Variants in FBXL20 observed in about 807,000 individuals in gnomAD.
FBXL20 encodes F-box and leucine rich repeat protein 20.
A neutral mutation model predicts 64.0 loss-of-function variants in FBXL20; 11 were observed. The ratio of observed to expected loss-of-function variants is 0.17; its 90% CI spans 0.11 to 0.28. FBXL20 has a LOEUF of 0.28. Ranked by LOEUF, FBXL20 falls within the 10% of genes least tolerant of loss-of-function variation. FBXL20 has a pLI of 1.00. For missense variants in FBXL20, 303 were observed against 526.2 expected (o/e 0.58, Z 4.15); for synonymous variants, 184 against 189.0 (o/e 0.97, Z 0.22).
chr17:39,372,302 C>G (rs1253621964), intron 1 of FBXL20, among the ~76,000 whole-genome samples: 1 of 151,720 alleles, frequency 6.6e-6, no homozygotes, highest in Non-Finnish European at 1.5e-5. Flanking sequence ...AGGTGGATCA[C>G]AAGGTCAAGA....
At chr17:39,390,409 A>C (rs1044412657) in intron 1 of FBXL20, among the ~76,000 whole-genome samples, 2 of 151,928 alleles carry the variant, frequency 1.3e-5, no homozygotes, top group African/African-American at 4.8e-5. Flanking sequence ...AAAAATACAA[A>C]AATTAGCCAG....
chr17:39,271,217 A>C (rs2046840361), intron 10 of FBXL20, among the ~76,000 whole-genome samples: 1 of 152,064 alleles, frequency 6.6e-6, no homozygotes, highest in Non-Finnish European at 1.5e-5. Flanking sequence ...AAACGGAGAT[A>C]CTCTATTTCA....
chr17:39,349,977 C>A (rs144814255), intron 1 of FBXL20, among the ~76,000 whole-genome samples: 116 of 151,616 alleles, frequency 7.7e-4, no homozygotes, highest in Middle Eastern at 6.9e-3. Context: ...TTGTTTCATG[C>A]CCAAAAAATT....
chr17:39,301,424 C>T (rs183790619), intron 3 of FBXL20, among the ~76,000 whole-genome samples: 23 of 152,076 alleles, frequency 1.5e-4, no homozygotes, highest in Admixed American at 3.3e-4. Context: ...GACCCGATCC[C>T]TATAAAAAAA....
chr17:39,381,396 C>A (rs2048021575), intron 1 of FBXL20, among the ~76,000 whole-genome samples: 1 of 147,930 alleles, frequency 6.8e-6, no homozygotes, highest in African/African-American at 2.5e-5. Flanking sequence ...AGGAGGATCA[C>A]TTGAGCCCAA....
In FBXL20 at chr17:39,261,547, T is replaced by C; in HGVS notation, c.1224A>G (p.Lys408=). Residue 408 remains lysine (K), a synonymous_variant, in exon 15 of 15, where the codon AAA becomes AAG. Transcript: ENST00000264658. The part of the protein sequence containing the change: ...KRLRTHLPNI[K]VHAYFAPVTP... Reference sequence around the variant, plus strand: ...TGACAGGTGCGAAGTAGGCGTGGACTTTAATATTGGGTAAATGGGTCTGAA... The same window carrying C: ...TGACAGGTGCGAAGTAGGCGTGGACCTTAATATTGGGTAAATGGGTCTGAA... 2 of 1,613,528 alleles carry C rather than the reference T, an allele frequency of 1.2e-6. No homozygotes were observed. The highest frequency in any genetic ancestry group is 1.7e-6 in the Non-Finnish European group (2 of 1,179,620).
chr17:39,285,435 A>AT lies in FBXL20; in HGVS notation c.494+42dup, dbSNP rs751620411. On this transcript the variant is annotated intron_variant, in intron 7 of 14. Transcript: ENST00000264658. ...TATCAATTATTTTTTTAAAATATGTATTTTTTTTTGATTACTTGACATGCT... is the reference window on the plus strand; with the variant it reads ...TATCAATTATTTTTTTAAAATATGTATTTTTTTTTTGATTACTTGACATGCT... 1.4e-3 allele frequency: 1,733 copies of AT among 1,276,398 alleles called. 3 individuals are homozygous for AT. The highest frequency in any genetic ancestry group is 6.0e-3 in the African/African-American group (387 of 64,976). 79.1% of individuals were successfully genotyped at this position (1,276,398 alleles called of 1,614,324 possible). A position where few individuals can be genotyped will look rare whatever the true frequency, so the allele number is the denominator to read the frequency against.
intron 2 of FBXL20, among the ~76,000 whole-genome samples, chr17:39,323,415 G>A (rs1210954987): frequency 6.6e-6 from 1 of 152,108 alleles, no homozygotes; most frequent in Non-Finnish European, 1.5e-5. Flanking sequence ...TCTTGTTGAA[G>A]AAAACAGTAG....
chr17:39,278,082 A>G (rs2046914978), intron 9 of FBXL20, among the ~76,000 whole-genome samples: 1 of 149,032 alleles, frequency 6.7e-6, no homozygotes, highest in Non-Finnish European at 1.5e-5. Context: ...GTGTGTATGT[A>G]ATGTGTATGT....
intron 2 of FBXL20, among the ~76,000 whole-genome samples, chr17:39,305,985 C>G (rs1172525655): frequency 6.7e-6 from 1 of 150,272 alleles, no homozygotes; most frequent in Non-Finnish European, 1.5e-5. Context: ...GAGACTGTGT[C>G]TCAAAAAACA....
At chr17:39,401,291 G>A (rs971012274) in intron 1 of FBXL20, 70 bp downstream of exon 1, 16 of 1,609,284 alleles carry the variant, frequency 9.9e-6, no homozygotes, top group Non-Finnish European at 1.4e-5. Flanking sequence ...GCTCCGTGCG[G>A]AGCGGACGTT....
In FBXL20 at chr17:39,345,869, G is replaced by A. The variant is rs187898974; in HGVS notation, c.43-2628C>T. 4.3e-3 allele frequency among the ~76,000 whole-genome samples: 653 copies of A among 152,188 alleles called. 20 individuals carry two copies. Among genetic ancestry groups the A allele is most frequent in the Non-Finnish European group, 1.0e-3 (68 of 68,014 alleles). Reference sequence around the variant, plus strand: ...ATATTTTCTGATTACAATAACCTACGTTCCAGATAAATGGAAAGCCCTGTG... The same window carrying A: ...ATATTTTCTGATTACAATAACCTACATTCCAGATAAATGGAAAGCCCTGTG... On this transcript the variant is annotated intron_variant, in intron 1 of 14. Transcript: ENST00000264658.
chr17:39,301,928 C>T (rs2047139729), intron 3 of FBXL20, among the ~76,000 whole-genome samples: 1 of 146,364 alleles, frequency 6.8e-6, no homozygotes, highest in Non-Finnish European at 1.5e-5. Context: ...TCCCCCCGCC[C>T]ACGCACACTT....
chr17:39,274,159 G>A (rs182751826), intron 10 of FBXL20, among the ~76,000 whole-genome samples: 257 of 152,304 alleles, frequency 1.7e-3, no homozygotes, highest in African/African-American at 5.8e-3. Flanking sequence ...ACAGGTGTGC[G>A]CCTCGGCACT....
chr17:39,402,262 CTGCCGCCGCGCCTCCGCGGT>C (rs778759601), upstream of FBXL20: 82 of 1,078,378 alleles, frequency 7.6e-5, no homozygotes, highest in South Asian at 4.1e-4. Flanking sequence ...GGCAGTGCGG[CTGCCGCCGCGCCTCCGCGGT>C]TGCCGCCGCC....
chr17:39,343,006 A>G (rs987059410), intron 2 of FBXL20, among the ~76,000 whole-genome samples, 174 bp downstream of exon 2: 22 of 152,254 alleles, frequency 1.4e-4, no homozygotes, highest in Non-Finnish European at 2.5e-4. Flanking sequence ...AAATTTTGAA[A>G]TATCTTGATT....
At chr17:39,333,720 C>T (rs1419793521) in intron 2 of FBXL20, among the ~76,000 whole-genome samples, 6 of 151,414 alleles carry the variant, frequency 4.0e-5, no homozygotes, top group East Asian at 3.9e-4. Context: ...GCCCGGCCGC[C>T]CATCATCTGG....
intron 1 of FBXL20, among the ~76,000 whole-genome samples, chr17:39,394,272 C>T (rs2048161528): frequency 1.3e-5 from 2 of 148,242 alleles, no homozygotes; most frequent in South Asian, 2.1e-4. Context: ...AGTTAGATTA[C>T]TGAAACTTTT....
intron 4 of FBXL20, among the ~76,000 whole-genome samples, 198 bp from the exon 5 acceptor site, chr17:39,299,282 CTTATT>C (rs1567869391): frequency 1.3e-5 from 2 of 152,134 alleles, no homozygotes; most frequent in African/African-American, 4.8e-5. Flanking sequence ...ACCCCATATT[CTTATT>C]TTGTTTAACT....
Sources: gnomAD v4.1 joint callset for allele counts (sites outside exome capture counted in the v4.1 genomes callset) on GRCh38, gnomAD v4.1.1 for gene constraint, MANE v1.5 for transcripts, NCBI Gene and HGNC (gene_info 2026-07-23, HGNC 2026-07-21) for gene names.